Variants in ZNF503 observed in about 807,000 individuals in gnomAD.
ZNF503 encodes zinc finger protein 503, also known as NocA-like zinc finger 2.
Under a neutral mutation model 34.4 loss-of-function variants are expected in ZNF503, and 15 were observed. The ratio of observed to expected loss-of-function variants is 0.44; its 90% CI spans 0.29 to 0.67. The LOEUF is 0.67. Ranked by LOEUF, ZNF503 falls within the 30% of genes least tolerant of loss-of-function variation. The pLI, the probability that ZNF503 is intolerant of heterozygous loss-of-function variation, is 0.13. For missense variants in ZNF503, 1,007 were observed against 926.8 expected (o/e 1.09, Z -1.12); for synonymous variants, 580 against 456.8 (o/e 1.27, Z -3.44).
the ZNF503 span, among the ~76,000 whole-genome samples, chr10:75,367,239 G>A: frequency 6.6e-6 from 1 of 151,912 alleles, no homozygotes; most frequent in Non-Finnish European, 1.5e-5. Context: ...AAATCTTGTA[G>A]CCTGTGATGA....
At chr10:75,318,221 C>T in the ZNF503 span, among the ~76,000 whole-genome samples, 1 of 151,798 alleles carries the variant, frequency 6.6e-6, no homozygotes, top group East Asian at 1.9e-4. Flanking sequence ...AGTTATACCC[C>T]ATAAAGCTAA....
At chr10:75,303,948 C>T in the ZNF503 span, among the ~76,000 whole-genome samples, 626 of 152,004 alleles carry the variant, frequency 4.1e-3, 8 homozygotes, top group African/African-American at 0.015. Flanking sequence ...ATTCTCCTGC[C>T]TCAGCCTCCT....
At chr10:75,369,049 CT>C in the ZNF503 span, among the ~76,000 whole-genome samples, 1 of 152,122 alleles carries the variant, frequency 6.6e-6, no homozygotes, top group Non-Finnish European at 1.5e-5. Context: ...ACAAGGGAGA[CT>C]TTACACGCTG....
the ZNF503 span, among the ~76,000 whole-genome samples, chr10:75,374,770 T>C: frequency 6.6e-6 from 1 of 152,202 alleles, no homozygotes; most frequent in Admixed American, 6.5e-5. Context: ...ATATGTTTTG[T>C]TAAGTGAATG....
At position 75,399,623 on chromosome 10, in the gene ZNF503, C is replaced by G. The variant is rs967257736; in HGVS notation, c.1067G>C (p.Gly356Ala). ...GQTVFPLPPA[G>A]MTYPGSLAGA... ...GGCCAGGCTGCCTGGGTAGGTCATA[C>G]CCGCGGGAGGCAGAGGGAACACTGT... is the stretch of plus-strand genomic sequence containing the variant. Residue 356 changes from glycine to alanine, a missense_variant, in exon 2 of 2, where the codon GGT becomes GCT. By Grantham distance (60) the Gly-to-Ala change is moderately conservative. Transcript: ENST00000372524. The G allele has an allele frequency of 6.3e-7, 1 of 1,598,480 alleles. No homozygotes were observed.
chr10:75,305,963 C>A, the ZNF503 span, among the ~76,000 whole-genome samples: 3 of 152,156 alleles, frequency 2.0e-5, no homozygotes, highest in African/African-American at 7.2e-5. Flanking sequence ...TGGATTGCTT[C>A]CATGTTTTAG....
the ZNF503 span, among the ~76,000 whole-genome samples, chr10:75,328,935 C>T: frequency 2.5e-3 from 377 of 151,936 alleles, 1 homozygote; most frequent in African/African-American, 7.7e-3. Context: ...TTAGTAGAAA[C>T]GGGATTTCAC....
the ZNF503 span, among the ~76,000 whole-genome samples, chr10:75,291,877 T>G: frequency 6.6e-6 from 1 of 152,214 alleles, no homozygotes; most frequent in East Asian, 1.9e-4. Flanking sequence ...CAGCTGCAGC[T>G]CTGGCTTTCT....
the ZNF503 span, among the ~76,000 whole-genome samples, chr10:75,290,635 A>G: frequency 2.6e-3 from 395 of 152,334 alleles, 5 homozygotes; most frequent in East Asian, 2.3e-3. Context: ...AGCATGTGGA[A>G]TGAGAGATAC....
rs867775264 is a variant in ZNF503, at chr10:75,401,390, T to C, written c.30A>G (p.Leu10=). 6.5e-7 allele frequency: 1 copy of C among 1,538,820 alleles called. No homozygotes were observed. Among genetic ancestry groups the C allele is most frequent in the African/African-American group, 1.4e-5 (1 of 72,880 alleles). MSTAPSLSA[L]RSSKHSGGGG... is the part of the protein sequence containing the mutation. ...CGCCGCCGCTGTGCTTACTGCTTCT[T>C]AGGGCAGAAAGCGAGGGCGCTGTGC... The change falls in exon 1 of 2, where the codon CTA becomes CTG. Residue 10 remains leucine, a synonymous_variant. Coordinates refer to ENST00000372524, the MANE Select transcript of ZNF503 (RefSeq NM_032772.6).
the ZNF503 span, among the ~76,000 whole-genome samples, chr10:75,378,323 T>C: frequency 6.6e-6 from 1 of 152,058 alleles, no homozygotes; most frequent in African/African-American, 2.4e-5. Context: ...AGGAAGCTCC[T>C]CAAATGTGCC....
At chr10:75,300,403 C>T in the ZNF503 span, among the ~76,000 whole-genome samples, 4,132 of 152,036 alleles carry the variant, frequency 0.027, 183 homozygotes, top group African/African-American at 0.095. Context: ...GGTCCTGAGG[C>T]GACATACATC....
the ZNF503 span, among the ~76,000 whole-genome samples, chr10:75,325,748 A>G: frequency 6.6e-6 from 1 of 151,778 alleles, no homozygotes; most frequent in Non-Finnish European, 1.5e-5. Flanking sequence ...ATCCATAAAC[A>G]TGGCATATCT....
At chr10:75,386,374 G>C in the ZNF503 span, among the ~76,000 whole-genome samples, 1 of 152,212 alleles carries the variant, frequency 6.6e-6, no homozygotes, top group African/African-American at 2.4e-5. Flanking sequence ...TTACCTGAGA[G>C]AGAAATGTCT....
the ZNF503 span, among the ~76,000 whole-genome samples, chr10:75,304,738 T>C: frequency 6.6e-6 from 1 of 152,158 alleles, no homozygotes; most frequent in Non-Finnish European, 1.5e-5. Flanking sequence ...GCAAAAATAC[T>C]ATTTTGAATT....
the ZNF503 span, among the ~76,000 whole-genome samples, chr10:75,383,713 G>A: frequency 1.2e-4 from 18 of 152,180 alleles, no homozygotes; most frequent in Non-Finnish European, 1.9e-4. Flanking sequence ...CATTTCATTT[G>A]CTATCTGTTC....
At chr10:75,295,087 TGACA>T in the ZNF503 span, among the ~76,000 whole-genome samples, 5 of 151,404 alleles carry the variant, frequency 3.3e-5, no homozygotes, top group African/African-American at 9.7e-5. The surrounding 1 kb of genome is among the most constrained non-coding windows in gnomAD (Gnocchi z 4.0). Context: ...GCGAGCCGCC[TGACA>T]GACAGGGCTG....
the ZNF503 span, among the ~76,000 whole-genome samples, chr10:75,310,450 G>T: frequency 1.3e-5 from 2 of 152,136 alleles, no homozygotes; most frequent in Non-Finnish European, 2.9e-5. Flanking sequence ...TCAGGAAAAG[G>T]GTAGCCTAGC....
At chr10:75,382,659 G>T in the ZNF503 span, 1 of 357,930 alleles carries the variant, frequency 2.8e-6, no homozygotes, top group Admixed American at 3.7e-5. Flanking sequence ...TCTTCTACCT[G>T]AGTCCCCCAT....
Sources: allele counts gnomAD v4.1 joint callset (sites outside exome capture counted in the v4.1 genomes callset), GRCh38; gene constraint gnomAD v4.1.1; non-coding constraint Gnocchi (gnomAD v3.1); transcripts MANE v1.5; gene names NCBI Gene and HGNC (gene_info 2026-07-23, HGNC 2026-07-21).